The following FOXP1 variants were observed in gnomAD, a reference collection of about 807,000 sequenced individuals.
FOXP1 encodes forkhead box P1.
FOXP1 carries 15 observed loss-of-function variants against 98.2 expected under a neutral mutation model. The observed-to-expected ratio is 0.15, with a 90% CI of 0.10 to 0.24. FOXP1 has a LOEUF of 0.24. Ranked by LOEUF, FOXP1 falls within the 10% of genes least tolerant of loss-of-function variation. The pLI is 1.00. For missense variants in FOXP1, 633 were observed against 848.5 expected (o/e 0.75, Z 3.15); for synonymous variants, 371 against 314.5 (o/e 1.18, Z -1.90).
At chr3:71,347,553 A>G (rs976434704) in intron 4 of FOXP1, among the ~76,000 whole-genome samples, 4 of 152,162 alleles carry the variant, frequency 2.6e-5, no homozygotes, top group Admixed American at 6.5e-5. Flanking sequence ...GGTCATGTCA[A>G]TATCATCAAT....
In FOXP1 at chr3:71,568,152, T is replaced by C. The variant is rs185972769; in HGVS notation, c.-298+13397A>G. ...GAAAGAAACTCGAGCAGGATTCGCC[T>C]CCCTCATGGGACCTTGCAGAAGGCC... On this transcript the variant is annotated intron_variant, in intron 2 of 20. Coordinates refer to ENST00000649528, the MANE Select transcript of FOXP1 (RefSeq NM_001349338.3). 3.9e-3 allele frequency among the ~76,000 whole-genome samples: 595 copies of C among 152,032 alleles called. 3 individuals are homozygous for C. Among genetic ancestry groups the C allele is most frequent in the African/African-American group, 0.013 (546 of 41,466 alleles).
intron 6 of FOXP1, among the ~76,000 whole-genome samples, chr3:71,156,372 C>G (rs1215031171): frequency 6.6e-6 from 1 of 152,182 alleles, no homozygotes; most frequent in Non-Finnish European, 1.5e-5. Context: ...GTAAATACAA[C>G]ATTGCCAGCC....
intron 3 of FOXP1, among the ~76,000 whole-genome samples, chr3:71,459,513 T>C (rs1269491312): frequency 1.3e-5 from 2 of 152,262 alleles, no homozygotes; most frequent in African/African-American, 4.8e-5. Context: ...CGCAGCTTTT[T>C]TTCTATTCAG....
intron 5 of FOXP1, among the ~76,000 whole-genome samples, chr3:71,257,193 C>G (rs1235864461): frequency 1.3e-5 from 2 of 152,152 alleles, no homozygotes; most frequent in Admixed American, 6.5e-5. Context: ...ATTTGGCTAA[C>G]AGTCACTTAA....
intron 3 of FOXP1, among the ~76,000 whole-genome samples, chr3:71,478,042 A>C (rs2089989312): frequency 6.6e-6 from 1 of 152,196 alleles, no homozygotes; most frequent in African/African-American, 2.4e-5. Context: ...TTCTACTCTC[A>C]AAAAAATCTT....
intron 6 of FOXP1, among the ~76,000 whole-genome samples, chr3:71,166,448 G>T (rs1383251062): frequency 6.6e-6 from 1 of 152,162 alleles, no homozygotes; most frequent in Non-Finnish European, 1.5e-5. Context: ...GGCAACCCAT[G>T]CTAATTTTGA....
Position 71,064,906 on chromosome 3 carries a change from C to T in FOXP1, c.283-11133G>A, listed in dbSNP as rs1018305513. 12 of 699,718 alleles carry T rather than the reference C, an allele frequency of 1.7e-5. No homozygotes were observed. In the African/African-American group the frequency reaches 1.8e-4, roughly 10 times the overall value. 43.3% of individuals were successfully genotyped at this position (699,718 alleles called of 1,614,324 possible). On this transcript the variant is annotated intron_variant, in intron 7 of 20. Transcript: ENST00000649528. Reference sequence around the variant, plus strand: ...GGCCGGGCGTGGGGTCCGGCGGCCTCGGCGTGCAGGCGGACTGCACGCGCG... The same window carrying T: ...GGCCGGGCGTGGGGTCCGGCGGCCTTGGCGTGCAGGCGGACTGCACGCGCG...
At chr3:71,011,690 T>C (rs1213671586) in intron 12 of FOXP1, among the ~76,000 whole-genome samples, 1 of 152,100 alleles carries the variant, frequency 6.6e-6, no homozygotes, top group Non-Finnish European at 1.5e-5. Flanking sequence ...CAAATATAAG[T>C]CAATAAATAA....
chr3:71,041,505 A>G lies in FOXP1; in HGVS notation c.692T>C (p.Leu231Pro), dbSNP rs202064883. ...QGMIPTELQQ[L>P]WKEVTSAHTA... ...ATGAGCACTTGTCACTTCTTTCCAG[A>G]GCTGCTGCAGTTCTGTTGGAATCAT... is the stretch of plus-strand genomic sequence containing the variant. The change falls in exon 11 of 21, where the codon CTC (leucine) becomes CCC (proline). Residue 231 changes from leucine (L) to proline (P), a missense_variant. This residue lies in a region of FOXP1 where 210 missense variants were observed against 270.6 expected (regional missense o/e 0.78). Transcript: ENST00000649528. 1 of 1,613,816 alleles carries G rather than the reference A, an allele frequency of 6.2e-7. No individual in the cohort carries two copies. Among genetic ancestry groups the G allele is most frequent in the East Asian group, 2.2e-5 (1 of 44,880 alleles).
At chr3:71,486,857 G>A (rs575338897) in intron 3 of FOXP1, among the ~76,000 whole-genome samples, 45 of 152,220 alleles carry the variant, frequency 3.0e-4, no homozygotes, top group Non-Finnish European at 4.4e-4. Context: ...TTTACATCAC[G>A]GAAGATATCA....
Position 70,978,018 on chromosome 3 carries a change from T to A in FOXP1, c.1158A>T (p.Val386=), listed in dbSNP as rs776273472. The A allele has an allele frequency of 4.3e-6, 7 of 1,613,858 alleles. No individual in the cohort carries two copies. In the East Asian group the frequency reaches 1.1e-4, roughly 26 times the overall value. The change falls in exon 15 of 21, where the codon GTA becomes GTT. Residue 386 remains valine (V), a synonymous_variant. Coordinates refer to ENST00000649528, the MANE Select transcript of FOXP1 (RefSeq NM_001349338.3). The part of the protein sequence containing the change: ...PKAAPQPLNL[V]SSVTLSKSAS... ...CGGACTTGGAGAGAGTGACACTTGA[T>A]ACCAGATTCAACTGCAAGGAAAAAA...
intron 4 of FOXP1, among the ~76,000 whole-genome samples, chr3:71,342,593 T>TGA: frequency 6.6e-6 from 1 of 151,604 alleles, no homozygotes; most frequent in African/African-American, 2.4e-5. Context: ...CTTAGGAGGC[T>TGA]GAGACAGGAG....
At chr3:71,116,465 TA>T (rs1211911522) in intron 6 of FOXP1, among the ~76,000 whole-genome samples, 1 of 152,102 alleles carries the variant, frequency 6.6e-6, no homozygotes, top group East Asian at 1.9e-4. Flanking sequence ...CCCAAATGAA[TA>T]AACACAGGTA....
intron 3 of FOXP1, among the ~76,000 whole-genome samples, chr3:71,446,667 T>C (rs1449852291): frequency 6.6e-6 from 1 of 152,238 alleles, no homozygotes; most frequent in African/African-American, 2.4e-5. Context: ...CTCATAAGAA[T>C]TTAAAGACAA....
At chr3:71,349,737 G>A (rs1455077561) in intron 4 of FOXP1, among the ~76,000 whole-genome samples, 1 of 152,050 alleles carries the variant, frequency 6.6e-6, no homozygotes, top group Non-Finnish European at 1.5e-5. Context: ...AACCAATGAG[G>A]TATAAAAATC....
chr3:71,006,127 G>A (rs1386420859), intron 12 of FOXP1, among the ~76,000 whole-genome samples: 1 of 152,110 alleles, frequency 6.6e-6, no homozygotes, highest in East Asian at 1.9e-4. Flanking sequence ...GGCACTGATG[G>A]ACACTTCTCT....
intron 3 of FOXP1, among the ~76,000 whole-genome samples, chr3:71,411,194 T>C (rs1395842961): frequency 1.3e-5 from 2 of 152,136 alleles, no homozygotes; most frequent in Non-Finnish European, 2.9e-5. Flanking sequence ...CCTAGCTCCA[T>C]TCGCTTCTTT....
chr3:71,145,899 G>C (rs1158089044), intron 6 of FOXP1, among the ~76,000 whole-genome samples: 1 of 152,144 alleles, frequency 6.6e-6, no homozygotes, highest in African/African-American at 2.4e-5. Flanking sequence ...CGAGTCCCTT[G>C]CTGGAGAAAT....
At chr3:70,997,040 G>T (rs1250103045) in intron 13 of FOXP1, among the ~76,000 whole-genome samples, 1 of 152,184 alleles carries the variant, frequency 6.6e-6, no homozygotes, top group Non-Finnish European at 1.5e-5. Flanking sequence ...TGAGATACTT[G>T]GAGGTTCAGG....
Sources: gnomAD v4.1 joint callset for allele counts (sites outside exome capture counted in the v4.1 genomes callset) on GRCh38, gnomAD v4.1.1 for gene constraint, gnomAD v4.1.1 regional missense constraint, MANE v1.5 for transcripts, NCBI Gene and HGNC (gene_info 2026-07-23, HGNC 2026-07-21) for gene names.